Variants in EYS observed in about 807,000 individuals in gnomAD.
EYS encodes EGF-like photoreceptor maintenance factor.
A neutral mutation model predicts 282.1 loss-of-function variants in EYS; 250 were observed. That is an observed-to-expected ratio of 0.89 (90% CI 0.80 to 0.98). EYS has a LOEUF of 0.98. Among genes scored for constraint, EYS ranks in the 50% least tolerant of loss-of-function variants. EYS has a pLI of 0.00. For missense variants in EYS, 4,016 were observed against 3,709.0 expected, an observed-to-expected ratio of 1.08 and a Z score of -2.15; for synonymous variants, 1,355 against 1,282.9, an observed-to-expected ratio of 1.06 and a Z score of -1.20.
At chr6:64,957,515 G>A (rs189264195) in intron 14 of EYS, among the ~76,000 whole-genome samples, 1 of 152,230 alleles carries the variant, frequency 6.6e-6, no homozygotes, top group East Asian at 1.9e-4. Flanking sequence ...TCTACTATTT[G>A]ATGGCACAAC....
intron 12 of EYS, among the ~76,000 whole-genome samples, chr6:65,150,245 C>A (rs1463707105): frequency 1.3e-5 from 2 of 151,944 alleles, no homozygotes. Flanking sequence ...TATATTTACT[C>A]TTTGTTTTAC....
At chr6:64,023,190 C>A (rs1159728399) in intron 33 of EYS, among the ~76,000 whole-genome samples, 1 of 152,180 alleles carries the variant, frequency 6.6e-6, no homozygotes. Context: ...ATCAGAACTT[C>A]ATTTCTTCTT....
chr6:64,304,201 T>A (rs1769351325), intron 30 of EYS, among the ~76,000 whole-genome samples: 1 of 152,196 alleles, frequency 6.6e-6, no homozygotes, highest in Admixed American at 6.5e-5. Context: ...TCTGTGTCCC[T>A]GTACATCTTT....
chr6:64,878,600 TTCTC>T (rs144444117), intron 19 of EYS, among the ~76,000 whole-genome samples: 12 of 150,116 alleles, frequency 8.0e-5, no homozygotes, highest in South Asian at 4.2e-4. Context: ...TTCATTCTCA[TTCTC>T]TCTCTCTCTC....
chr6:64,280,571 G>A (rs1768272250), intron 30 of EYS, among the ~76,000 whole-genome samples: 2 of 152,162 alleles, frequency 1.3e-5, no homozygotes, highest in African/African-American at 4.8e-5. Flanking sequence ...TTCTATTTGT[G>A]TACAACACCG....
chr6:64,121,805 A>T (rs895497410), intron 31 of EYS, among the ~76,000 whole-genome samples: 6 of 152,092 alleles, frequency 3.9e-5, no homozygotes, highest in Non-Finnish European at 8.8e-5. Context: ...TGCCATCTTT[A>T]TGCCTTTTTC....
At chr6:65,684,946 T>C (rs1322153444) in intron 1 of EYS, among the ~76,000 whole-genome samples, 1 of 151,960 alleles carries the variant, frequency 6.6e-6, no homozygotes, top group Non-Finnish European at 1.5e-5. Context: ...TTTGTGTCCA[T>C]AGGTACTCAA....
In EYS at chr6:65,295,991, A is replaced by G. The variant is rs1484875344; in HGVS notation, c.1895T>C (p.Leu632Pro). ...ALSHNCNCSG[L>P]QRYERNICEI... is the part of the protein sequence containing the mutation. ...ACAGATGTTCCTTTCATATCTTTGC[A>G]GACCGCTACAGTTACAATTGTGCGA... The change falls in exon 12 of 43, where the codon CTG (leucine) becomes CCG (proline). Residue 632 changes from leucine to proline, a missense_variant. Physicochemically the swap from Leu to Pro is moderately conservative, Grantham distance 98. Coordinates refer to ENST00000503581, the MANE Select transcript of EYS (RefSeq NM_001142800.2). 9 of 1,551,294 alleles carry G rather than the reference A, an allele frequency of 5.8e-6. No homozygotes were observed. The highest frequency in any genetic ancestry group is 7.8e-6 in the Non-Finnish European group (9 of 1,146,580).
At chr6:64,687,640 T>G (rs972130419) in intron 22 of EYS, among the ~76,000 whole-genome samples, 2 of 152,200 alleles carry the variant, frequency 1.3e-5, no homozygotes, top group African/African-American at 4.8e-5. Flanking sequence ...TATTGAGGAT[T>G]TTTGCATCAA....
At chr6:65,221,356 G>C (rs1043531431) in intron 12 of EYS, among the ~76,000 whole-genome samples, 1 of 152,208 alleles carries the variant, frequency 6.6e-6, no homozygotes, top group Non-Finnish European at 1.5e-5. Context: ...TCCAGGCCTA[G>C]GGCCATGCTG....
At chr6:63,793,813 A>G (rs1276790464) in intron 37 of EYS, among the ~76,000 whole-genome samples, 3 of 152,208 alleles carry the variant, frequency 2.0e-5, no homozygotes, top group Non-Finnish European at 4.4e-5. Flanking sequence ...CATAAAACAA[A>G]TCAGGAAAGA....
At chr6:64,632,868 G>A (rs1296892395) in intron 22 of EYS, among the ~76,000 whole-genome samples, 1 of 151,942 alleles carries the variant, frequency 6.6e-6, no homozygotes, top group Non-Finnish European at 1.5e-5. Context: ...CACATTATAT[G>A]CTCTAAATTT....
At position 63,984,471 on chromosome 6, in the gene EYS, CGAT is replaced by C. The variant is rs2149792286; in HGVS notation, c.6964_6966del (p.Ile2322del). ...ATATTCTTTCCATGTCGTGCTTCAT[CGAT>C]GATGAAGAATTCTTTGTTGTTTACT... On this transcript the variant is annotated inframe_deletion, in exon 35 of 43. Coordinates refer to ENST00000503581, the MANE Select transcript of EYS (RefSeq NM_001142800.2). 1 of 1,549,584 alleles carries C rather than the reference CGAT, an allele frequency of 6.5e-7. No homozygotes were observed. The highest frequency in any genetic ancestry group is 8.7e-7 in the Non-Finnish European group (1 of 1,145,534).
At chr6:64,437,188 G>A (rs1336130861) in intron 27 of EYS, among the ~76,000 whole-genome samples, 1 of 151,636 alleles carries the variant, frequency 6.6e-6, no homozygotes, top group Non-Finnish European at 1.5e-5. Context: ...GAAGCATTAG[G>A]AGGAATTATT....
intron 35 of EYS, among the ~76,000 whole-genome samples, chr6:63,891,211 A>AG (rs958128846): frequency 1.4e-4 from 22 of 151,818 alleles, no homozygotes; most frequent in Middle Eastern, 3.4e-3. Flanking sequence ...ATAGAAGAAG[A>AG]GGGTTTCCAC....
At chr6:65,448,621 T>G (rs1764281696) in intron 5 of EYS, among the ~76,000 whole-genome samples, 1 of 152,014 alleles carries the variant, frequency 6.6e-6, no homozygotes, top group Non-Finnish European at 1.5e-5. Context: ...GCACACACAC[T>G]CATATACATA....
intron 15 of EYS, among the ~76,000 whole-genome samples, chr6:64,916,093 A>T (rs1262772096): frequency 6.6e-6 from 1 of 152,186 alleles, no homozygotes; most frequent in African/African-American, 2.4e-5. Flanking sequence ...GACTCAGTTA[A>T]TATACTATGG....
chr6:64,807,936 A>G (rs912358260), intron 22 of EYS, among the ~76,000 whole-genome samples: 1 of 151,814 alleles, frequency 6.6e-6, no homozygotes, highest in African/African-American at 2.4e-5. Context: ...TACTATCCAG[A>G]GTCACATTCC....
At chr6:64,717,980 T>C (rs1420986254) in intron 22 of EYS, among the ~76,000 whole-genome samples, 1 of 152,176 alleles carries the variant, frequency 6.6e-6, no homozygotes, top group Non-Finnish European at 1.5e-5. Context: ...AGAGTGTATG[T>C]TTGTGTGTGT....
Sources: gnomAD v4.1 joint callset for allele counts (sites outside exome capture counted in the v4.1 genomes callset) on GRCh38, gnomAD v4.1.1 for gene constraint, MANE v1.5 for transcripts, NCBI Gene and HGNC (gene_info 2026-07-23, HGNC 2026-07-21) for gene names.